The following CTDSP1 variants were observed in gnomAD, a reference collection of about 807,000 sequenced individuals.
CTDSP1 encodes CTD small phosphatase 1.
CTDSP1 carries 15 observed loss-of-function variants against 32.5 expected under a neutral mutation model. The ratio of observed to expected loss-of-function variants is 0.46; its 90% confidence interval spans 0.31 to 0.71. The LOEUF is 0.71. CTDSP1 is among the 30% of genes least tolerant of loss of function. CTDSP1 has a pLI of 0.05. For missense variants in CTDSP1, 294 were observed against 351.1 expected (o/e 0.84, Z 1.30); for synonymous variants, 185 against 145.4 (o/e 1.27, Z -1.96).
intron 3 of CTDSP1, 27 bp downstream of exon 3, chr2:218,402,242 C>T: frequency 6.2e-7 from 1 of 1,612,180 alleles, no homozygotes; most frequent in Non-Finnish European, 8.5e-7. Flanking sequence ...AGCCCTCAGC[C>T]CGGGTCTCGG....
intron 1 of CTDSP1, 36 bp downstream of exon 1, chr2:218,400,193 C>T: frequency 1.3e-6 from 2 of 1,519,220 alleles, no homozygotes. Context: ...GAAGCCGGGG[C>T]GCCGTGGGAG....
At chr2:218,404,126 G>C (rs1280800639) in intron 6 of CTDSP1, among the ~76,000 whole-genome samples, 171 bp from the exon 7 acceptor site, 1 of 152,202 alleles carries the variant, frequency 6.6e-6, no homozygotes, top group Non-Finnish European at 1.5e-5. Flanking sequence ...CTTTTGCATT[G>C]TTACGTTATA....
chr2:218,403,911 C>T (rs926444832), intron 6 of CTDSP1, among the ~76,000 whole-genome samples: 29 of 152,128 alleles, frequency 1.9e-4, no homozygotes, highest in Non-Finnish European at 5.9e-5. Flanking sequence ...AATACAAAAA[C>T]TAGCCAGGCG....
chr2:218,402,853 G>T, intron 4 of CTDSP1, 182 bp from the exon 5 acceptor site: 1 of 661,466 alleles, frequency 1.5e-6, no homozygotes. Context: ...AGTTTTGATC[G>T]TTTTCTGGCG....
rs944390574 is a variant in CTDSP1 at position 218,402,485 on chromosome 2, C to T, written c.378+80C>T. ...CTCTTCCCACCAATCCGGAGCGCCTCGGATGGGAATTGGATACATGTGGAA... is the reference window on the plus strand; with the variant it reads ...CTCTTCCCACCAATCCGGAGCGCCTTGGATGGGAATTGGATACATGTGGAA... On this transcript the variant is annotated intron_variant, in intron 4 of 6. Transcript: ENST00000273062. 2.8e-6 allele frequency: 4 copies of T among 1,414,206 alleles called. No individual in the cohort carries two copies. The African/African-American group carries it at 4.2e-5, about 15-fold the overall frequency. The allele number at this position is 1,414,206 out of a possible 1,614,324, so 87.6% of individuals were successfully genotyped here.
Position 218,399,889 on chromosome 2 carries a change from A to C in CTDSP1, c.-202A>C. ...GTTTGCATCCGCCTCGCGGGAAGGA[A>C]ACTCCATGTTGTAACAAAGTTTCCT... On this transcript the variant is annotated 5_prime_UTR_variant, in exon 1 of 7. Coordinates refer to ENST00000273062, the MANE Select transcript of CTDSP1 (RefSeq NM_021198.3). 9.7e-6 allele frequency: 12 copies of C among 1,241,776 alleles called. No homozygotes were observed. The highest frequency in any genetic ancestry group is 3.1e-5 in the African/African-American group (2 of 63,702). The allele number at this position is 1,241,776 out of a possible 1,614,324, so 76.9% of individuals were successfully genotyped here.
chr2:218,400,461 C>G (rs544703907), intron 1 of CTDSP1: 2 of 483,638 alleles, frequency 4.1e-6, no homozygotes, highest in Admixed American at 3.3e-5. Flanking sequence ...GGCGCCCCCC[C>G]ACCATTGGCG....
intron 5 of CTDSP1, 33 bp downstream of exon 5, chr2:218,403,160 C>A: frequency 6.2e-7 from 1 of 1,613,052 alleles, no homozygotes; most frequent in Non-Finnish European, 8.5e-7. Context: ...GGCAACCCTG[C>A]CCTCCTACCT....
At chr2:218,402,941 G>A in intron 4 of CTDSP1, 94 bp from the exon 5 acceptor site, 1 of 892,946 alleles carries the variant, frequency 1.1e-6, no homozygotes, top group Non-Finnish European at 1.8e-6. Flanking sequence ...TCCTTCCTGT[G>A]CGCCTCTGCC....
chr2:218,401,492 C>G (rs1446907699), intron 1 of CTDSP1, 72 bp from the exon 2 acceptor site: 7 of 1,567,564 alleles, frequency 4.5e-6, no homozygotes, highest in Non-Finnish European at 5.2e-6. Context: ...CAGGGGTTCA[C>G]ACCTGGGCAC....
rs1475039705 is a variant in CTDSP1 at position 218,404,926 on chromosome 2, G to A, written c.*501G>A. ...TCCCCCTGCCCCACCTCCTCCCTTG[G>A]GACTGAGAGGGCCCCTACCAACCTT... On this transcript the variant is annotated 3_prime_UTR_variant, in exon 7 of 7. Transcript: ENST00000273062. The A allele has an allele frequency of 6.5e-6, 1 of 154,606 alleles. No homozygotes were observed. The highest frequency in any genetic ancestry group is 2.4e-5 in the African/African-American group (1 of 41,452). The allele number at this position is 154,606 out of a possible 1,614,324, so 9.6% of individuals were successfully genotyped here.
upstream of CTDSP1, chr2:218,399,751 A>T (rs1042154261): frequency 3.0e-5 from 31 of 1,025,094 alleles, no homozygotes; most frequent in Non-Finnish European, 3.4e-5. Context: ...CCCGCCTCCC[A>T]GTCCGCCTAG....
chr2:218,403,670 A>G (rs1697272861), intron 6 of CTDSP1: 2 of 413,574 alleles, frequency 4.8e-6, no homozygotes, highest in African/African-American at 4.1e-5. Context: ...GAGTTTGGAA[A>G]GTTTCAATTT....
chr2:218,403,175 C>A, intron 5 of CTDSP1, 48 bp downstream of exon 5: 1 of 1,613,192 alleles, frequency 6.2e-7, no homozygotes. Context: ...CTACCTACCT[C>A]CCGCATGCAG....
intron 6 of CTDSP1, among the ~76,000 whole-genome samples, 161 bp from the exon 7 acceptor site, chr2:218,404,136 A>G (rs753910579): frequency 6.6e-6 from 1 of 152,220 alleles, no homozygotes; most frequent in Non-Finnish European, 1.5e-5. Flanking sequence ...GTTACGTTAT[A>G]AATGTGTTTT....
upstream of CTDSP1, among the ~76,000 whole-genome samples, chr2:218,397,726 C>A (rs1429771452): frequency 6.6e-6 from 1 of 152,132 alleles, no homozygotes; most frequent in Non-Finnish European, 1.5e-5. Flanking sequence ...GTGTAGACAA[C>A]CCCTACAGTG....
At chr2:218,402,612 C>T (rs775574642) in intron 4 of CTDSP1, 2 of 756,568 alleles carry the variant, frequency 2.6e-6, no homozygotes, top group Non-Finnish European at 4.9e-6. Flanking sequence ...CTCCTCTAGG[C>T]TCCCCCGTGC....
chr2:218,398,764 T>A, upstream of CTDSP1: 2 of 256,882 alleles, frequency 7.8e-6, no homozygotes, highest in Non-Finnish European at 1.5e-5. Flanking sequence ...ATTATTAATT[T>A]TTAAATGGTG....
At chr2:218,403,921 G>A (rs879799592) in intron 6 of CTDSP1, among the ~76,000 whole-genome samples, 4 of 152,292 alleles carry the variant, frequency 2.6e-5, no homozygotes, top group Admixed American at 2.0e-4. Flanking sequence ...CTAGCCAGGC[G>A]TGGTGGCGCA....
Sources: gnomAD v4.1 joint callset for allele counts (sites outside exome capture counted in the v4.1 genomes callset) on GRCh38, gnomAD v4.1.1 for gene constraint, MANE v1.5 for transcripts, NCBI Gene and HGNC (gene_info 2026-07-23, HGNC 2026-07-21) for gene names.